ADAM23: variants seen among roughly 807,000 people sequenced by gnomAD.
The protein encoded by ADAM23 is disintegrin and metalloproteinase domain-containing protein 23.
Under a neutral mutation model 120.1 loss-of-function variants are expected in ADAM23, and 33 were observed. That is an observed-to-expected ratio of 0.27 (90% CI 0.21 to 0.37). The LOEUF is 0.37. Ranked by LOEUF, ADAM23 falls within the 10% of genes least tolerant of loss-of-function variation. The probability of loss-of-function intolerance (pLI) is 1.00; values close to 1 mark genes in which losing one functional copy is unlikely to be tolerated. For missense variants in ADAM23, 862 were observed against 1,058.2 expected (o/e 0.81, Z 2.57); for synonymous variants, 367 against 375.2 (o/e 0.98, Z 0.25).
intron 3 of ADAM23, among the ~76,000 whole-genome samples, chr2:206,498,333 C>G (rs1696304354): frequency 6.6e-6 from 1 of 152,130 alleles, no homozygotes; most frequent in Admixed American, 6.5e-5. Flanking sequence ...ACAGAGCCCT[C>G]AGAAATAATG....
chr2:206,562,839 C>T (rs186287014), intron 13 of ADAM23, among the ~76,000 whole-genome samples: 130 of 152,290 alleles, frequency 8.5e-4, no homozygotes, highest in African/African-American at 3.0e-3. Context: ...TCTAGTGGCC[C>T]AGGCAGGTCC....
At chr2:206,567,135 A>G in intron 14 of ADAM23, 88 bp from the exon 15 acceptor site, 1 of 1,031,970 alleles carries the variant, frequency 9.7e-7, no homozygotes. Context: ...CAAAGTGAAC[A>G]TTTTGTTCTA....
intron 3 of ADAM23, among the ~76,000 whole-genome samples, chr2:206,482,111 C>T (rs1281314954): frequency 6.6e-6 from 1 of 152,170 alleles, no homozygotes; most frequent in Non-Finnish European, 1.5e-5. Context: ...TAAGTGACCA[C>T]AACCAATATT....
chr2:206,600,666 C>T (rs1698623603), intron 24 of ADAM23, among the ~76,000 whole-genome samples: 1 of 152,074 alleles, frequency 6.6e-6, no homozygotes, highest in Admixed American at 6.6e-5. Flanking sequence ...ATAGGAAATT[C>T]AACCTCTCCT....
At chr2:206,551,217 G>A (rs1268508336) in intron 9 of ADAM23, among the ~76,000 whole-genome samples, 1 of 152,004 alleles carries the variant, frequency 6.6e-6, no homozygotes, top group African/African-American at 2.4e-5. Context: ...GATATCTGTG[G>A]TGTAAATATT....
chr2:206,445,238 A>C, intron 1 of ADAM23, 69 bp from the exon 2 acceptor site: 2 of 1,120,518 alleles, frequency 1.8e-6, no homozygotes, highest in Non-Finnish European at 2.6e-6. Context: ...TTATGTATTT[A>C]TGGGGTAAAT....
intron 3 of ADAM23, among the ~76,000 whole-genome samples, chr2:206,500,493 A>G (rs980999733): frequency 1.3e-5 from 2 of 152,168 alleles, no homozygotes; most frequent in Non-Finnish European, 1.5e-5. Context: ...ATTTATCTCT[A>G]TCTCAGCGGT....
chr2:206,469,701 C>T (rs557189559), intron 2 of ADAM23, among the ~76,000 whole-genome samples: 6 of 152,288 alleles, frequency 3.9e-5, no homozygotes, highest in African/African-American at 7.2e-5. Flanking sequence ...ACACAATTGA[C>T]GCCTCATTGG....
chr2:206,536,400 A>G (rs1429444451), intron 4 of ADAM23, among the ~76,000 whole-genome samples: 1 of 141,824 alleles, frequency 7.1e-6, no homozygotes, highest in Non-Finnish European at 1.5e-5. Context: ...CACCAACCTT[A>G]TAGAACAGTG....
intron 2 of ADAM23, among the ~76,000 whole-genome samples, chr2:206,460,933 A>G (rs976546130): frequency 6.6e-6 from 1 of 152,154 alleles, no homozygotes; most frequent in Non-Finnish European, 1.5e-5. Context: ...TTAGGAACCA[A>G]CTTTATTTTA....
rs898156382 is a variant in ADAM23 at position 206,618,095 on chromosome 2, T to C, written c.*468T>C. 6.4e-6 allele frequency: 1 copy of C among 156,356 alleles called. No individual in the cohort carries two copies. The highest frequency in any genetic ancestry group is 2.4e-5 in the African/African-American group (1 of 41,462). The allele number at this position is 156,356 out of a possible 1,614,324, so 9.7% of individuals were successfully genotyped here. On this transcript the variant is annotated 3_prime_UTR_variant, in exon 26 of 26. Coordinates refer to ENST00000264377, the MANE Select transcript of ADAM23 (RefSeq NM_003812.4). ...ATCTAATTTTCAAAAGGGTAAAAAC[T>C]GCATGGCATATATACAACAAGCTAG...
chr2:206,530,364 C>T (rs923865403), intron 3 of ADAM23, among the ~76,000 whole-genome samples: 2 of 152,190 alleles, frequency 1.3e-5, no homozygotes, highest in Non-Finnish European at 2.9e-5. Context: ...CCTTGCTGAC[C>T]TTTGCTTTAT....
At position 206,473,599 on chromosome 2, in the gene ADAM23, T is replaced by TAAC. The variant is rs1553548021; in HGVS notation, c.433-7615_433-7613dup. 5.9e-3 allele frequency among the ~76,000 whole-genome samples: 875 copies of TAAC among 148,534 alleles called. 4 individuals are homozygous for TAAC. The highest frequency in any genetic ancestry group is 0.014 in the Middle Eastern group (4 of 292). On this transcript the variant is annotated intron_variant, in intron 2 of 25. Coordinates refer to ENST00000264377, the MANE Select transcript of ADAM23 (RefSeq NM_003812.4). ...ATAATAATAATAATAATAATAATAA[T>TAAC]AACAACAACAACAACAACAATAACG...
chr2:206,507,086 A>G (rs1020033697), intron 3 of ADAM23, among the ~76,000 whole-genome samples: 2 of 152,182 alleles, frequency 1.3e-5, no homozygotes, highest in Non-Finnish European at 2.9e-5. Flanking sequence ...ACATTCACAT[A>G]GTGAGATATA....
intron 3 of ADAM23, among the ~76,000 whole-genome samples, chr2:206,485,204 G>C (rs1239404722): frequency 6.6e-6 from 1 of 152,202 alleles, no homozygotes; most frequent in African/African-American, 2.4e-5. Flanking sequence ...GAGATGTGTT[G>C]CTGGGGGTGG....
At chr2:206,484,087 A>G (rs1695954232) in intron 3 of ADAM23, among the ~76,000 whole-genome samples, 1 of 152,174 alleles carries the variant, frequency 6.6e-6, no homozygotes, top group Non-Finnish European at 1.5e-5. Context: ...CTGGGTAGAG[A>G]CTGAAGGGAA....
rs553971305 is a variant in ADAM23, at chr2:206,527,501, T to C, written c.510-3384T>C. ...TTCAAGACTTTTATAATTAATTAGGTTACATTTCAGTTGATGTAATTCACT... is the reference window on the plus strand; with the variant it reads ...TTCAAGACTTTTATAATTAATTAGGCTACATTTCAGTTGATGTAATTCACT... On this transcript the variant is annotated intron_variant, in intron 3 of 25. Transcript: ENST00000264377. 2.0e-5 allele frequency among the ~76,000 whole-genome samples: 3 copies of C among 152,364 alleles called. No individual in the cohort carries two copies. In the East Asian group the frequency reaches 5.8e-4, roughly 29 times the overall value.
intron 24 of ADAM23, among the ~76,000 whole-genome samples, chr2:206,598,508 T>TA (rs547774595): frequency 1.6e-4 from 24 of 151,606 alleles, no homozygotes; most frequent in Middle Eastern, 3.4e-3. Flanking sequence ...ACACTACCTT[T>TA]AAAAAAAAAT....
At chr2:206,523,382 C>T (rs1164970615) in intron 3 of ADAM23, among the ~76,000 whole-genome samples, 1 of 152,158 alleles carries the variant, frequency 6.6e-6, no homozygotes, top group Non-Finnish European at 1.5e-5. Context: ...TGAAATGTGC[C>T]CACACTTACC....
Sources: gnomAD v4.1 joint callset for allele counts (sites outside exome capture counted in the v4.1 genomes callset) on GRCh38, gnomAD v4.1.1 for gene constraint, MANE v1.5 for transcripts, NCBI Gene and HGNC (gene_info 2026-07-23, HGNC 2026-07-21) for gene names.